CACHD1: variants seen among roughly 807,000 people sequenced by gnomAD.
CACHD1 encodes cache domain containing 1, also known as VWFA and cache domain-containing protein 1.
In CACHD1, 71 loss-of-function variants were observed where a neutral mutation model predicts 138.7. The ratio of observed to expected loss-of-function variants is 0.51; its 90% CI spans 0.42 to 0.62. The LOEUF (loss-of-function observed/expected upper bound fraction) is 0.62. Among genes scored for constraint, CACHD1 ranks in the 20% least tolerant of loss-of-function variants. The pLI is 0.00. For synonymous variants in CACHD1, 578 were observed against 591.5 expected (o/e 0.98, Z 0.33); for missense variants, 1,389 against 1,625.3 (o/e 0.85, Z 2.50).
At chr1:64,592,579 C>T (rs1647114959) in intron 3 of CACHD1, among the ~76,000 whole-genome samples, 1 of 152,104 alleles carries the variant, frequency 6.6e-6, no homozygotes, top group South Asian at 2.1e-4. Context: ...GACCAGAAAA[C>T]AGCAAGTGTC....
chr1:64,475,900 A>G (rs1297351732), intron 1 of CACHD1, among the ~76,000 whole-genome samples: 1 of 152,216 alleles, frequency 6.6e-6, no homozygotes, highest in Admixed American at 6.5e-5. Flanking sequence ...AGACACAAAA[A>G]GAGGCATTAT....
chr1:64,640,531 G>A (rs1267926428), intron 7 of CACHD1, among the ~76,000 whole-genome samples: 5 of 151,892 alleles, frequency 3.3e-5, no homozygotes, highest in African/African-American at 1.2e-4. Flanking sequence ...CAAAAAATTA[G>A]CCAGGCATAA....
chr1:64,630,601 T>C (rs6657923), intron 5 of CACHD1, among the ~76,000 whole-genome samples: 1 of 152,052 alleles, frequency 6.6e-6, no homozygotes, highest in Non-Finnish European at 1.5e-5. Flanking sequence ...GATATTTTTA[T>C]TGTGTGTGTG....
intron 3 of CACHD1, among the ~76,000 whole-genome samples, chr1:64,588,612 A>C (rs1647071728): frequency 6.6e-6 from 1 of 152,004 alleles, no homozygotes; most frequent in Non-Finnish European, 1.5e-5. Context: ...TCCTGGACTC[A>C]AGTGATCTAC....
chr1:64,544,805 T>C (rs1182758161), intron 1 of CACHD1, among the ~76,000 whole-genome samples: 1 of 152,180 alleles, frequency 6.6e-6, no homozygotes, highest in African/African-American at 2.4e-5. Flanking sequence ...GATTTAATAA[T>C]GTAACATACC....
chr1:64,531,963 A>G (rs765972234), intron 1 of CACHD1, among the ~76,000 whole-genome samples: 2 of 152,216 alleles, frequency 1.3e-5, no homozygotes, highest in Non-Finnish European at 2.9e-5. Flanking sequence ...ATGAGAAAGA[A>G]TGAGTCCCTG....
At chr1:64,672,776 A>G (rs1362648942) in intron 17 of CACHD1, among the ~76,000 whole-genome samples, 1 of 152,196 alleles carries the variant, frequency 6.6e-6, no homozygotes, top group Non-Finnish European at 1.5e-5. Flanking sequence ...CAAATCTGTC[A>G]GTAGAAATAC....
intron 3 of CACHD1, among the ~76,000 whole-genome samples, chr1:64,588,093 C>G (rs1306155614): frequency 1.3e-5 from 2 of 152,046 alleles, no homozygotes; most frequent in African/African-American, 4.8e-5. Context: ...TGTGTTATAC[C>G]CAACCTATTT....
intron 1 of CACHD1, among the ~76,000 whole-genome samples, chr1:64,505,590 T>G: frequency 4.8e-5 from 1 of 21,000 alleles, no homozygotes; most frequent in Non-Finnish European, 8.7e-5. Flanking sequence ...CCGCCGCCCC[T>G]CCCCCTCCCT....
chr1:64,580,339 C>G (rs962490897), intron 2 of CACHD1, among the ~76,000 whole-genome samples: 1 of 152,104 alleles, frequency 6.6e-6, no homozygotes, highest in East Asian at 1.9e-4. Flanking sequence ...ACTGATTTTT[C>G]TCTCAATCAA....
chr1:64,510,201 C>T (rs1403923320), intron 1 of CACHD1, among the ~76,000 whole-genome samples: 1 of 152,034 alleles, frequency 6.6e-6, no homozygotes, highest in Non-Finnish European at 1.5e-5. Context: ...AAAAGGGATG[C>T]GGAGGTAAAG....
chr1:64,565,199 G>A (rs1171638043), intron 2 of CACHD1, among the ~76,000 whole-genome samples: 1 of 151,624 alleles, frequency 6.6e-6, no homozygotes, highest in Non-Finnish European at 1.5e-5. Flanking sequence ...TTCTTTCTTT[G>A]TCCCCAATTT....
rs1027698047 is a variant in CACHD1, at chr1:64,472,974, A to G, written c.198+2032A>G. ...AAAAGGTGAAATTGGATCCCAACACATTGTCATTCAGGTAGGGATCCTAAG... is the reference window on the plus strand; with the variant it reads ...AAAAGGTGAAATTGGATCCCAACACGTTGTCATTCAGGTAGGGATCCTAAG... On this transcript the variant is annotated intron_variant, in intron 1 of 26. Transcript: ENST00000651257. Among the ~76,000 whole-genome samples, 7 of 152,016 alleles carry G rather than the reference A, an allele frequency of 4.6e-5. 1 individual carries two copies. Among genetic ancestry groups the G allele is most frequent in the Non-Finnish European group, 8.8e-5 (6 of 68,006 alleles).
At chr1:64,656,648 G>A (rs1649271761) in intron 12 of CACHD1, among the ~76,000 whole-genome samples, 1 of 152,016 alleles carries the variant, frequency 6.6e-6, no homozygotes, top group African/African-American at 2.4e-5. Flanking sequence ...AGTAAATTCT[G>A]GTTATTCTTC....
rs1000100476 is a variant in CACHD1 at position 64,543,567 on chromosome 1, C to T, written c.199-7027C>T. ...CTCCAGCCTGGGTAGCACAGTGAGA[C>T]TGTCTCTAAAATAATAATTTTAAAA... On this transcript the variant is annotated intron_variant, in intron 1 of 26. Coordinates refer to ENST00000651257, the MANE Select transcript of CACHD1 (RefSeq NM_020925.4). Among the ~76,000 whole-genome samples, 15 of 151,780 alleles carry T rather than the reference C, an allele frequency of 9.9e-5. 4 individuals are homozygous for T. The highest frequency in any genetic ancestry group is 3.3e-4 in the Admixed American group (5 of 15,238).
chr1:64,619,020 AC>A (rs1553139469), intron 4 of CACHD1, among the ~76,000 whole-genome samples: 1 of 152,154 alleles, frequency 6.6e-6, no homozygotes, highest in Non-Finnish European at 1.5e-5. Flanking sequence ...AGAAGTCGCA[AC>A]CCAACAAAAA....
chr1:64,594,194 C>T (rs990433674), intron 3 of CACHD1, among the ~76,000 whole-genome samples: 1 of 148,760 alleles, frequency 6.7e-6, no homozygotes, highest in African/African-American at 2.5e-5. Context: ...GCAGAGGTTG[C>T]AGTGAGCTGA....
intron 1 of CACHD1, among the ~76,000 whole-genome samples, chr1:64,524,598 C>G (rs1034327171): frequency 6.6e-6 from 1 of 152,194 alleles, no homozygotes; most frequent in Non-Finnish European, 1.5e-5. Context: ...ATCTACCTCA[C>G]TGAATTTGCG....
chr1:64,604,943 G>A (rs985956150), intron 4 of CACHD1, among the ~76,000 whole-genome samples: 1 of 148,194 alleles, frequency 6.7e-6, no homozygotes, highest in Non-Finnish European at 1.5e-5. Flanking sequence ...GAGCCACCTC[G>A]CCTAGGCTTT....
Sources: allele counts gnomAD v4.1 joint callset (sites outside exome capture counted in the v4.1 genomes callset), GRCh38; gene constraint gnomAD v4.1.1; transcripts MANE v1.5; gene names NCBI Gene and HGNC (gene_info 2026-07-23, HGNC 2026-07-21).